P2RY12: variants seen among roughly 807,000 people sequenced by gnomAD.
The protein encoded by P2RY12 is purinergic receptor P2Y12.
P2RY12 carries 3 observed loss-of-function variants against 4.5 expected under a neutral mutation model. That is an observed-to-expected ratio of 0.67 (90% CI 0.31 to 1.74). The LOEUF is 1.74. Among genes scored for constraint, P2RY12 ranks in the 40% most tolerant of loss-of-function variants. The pLI, the probability that P2RY12 is intolerant of heterozygous loss-of-function variation, is 0.09. For synonymous variants in P2RY12, 148 were observed against 154.1 expected (o/e 0.96, Z 0.29); for missense variants, 356 against 407.8 (o/e 0.87, Z 1.09).
intron 1 of P2RY12, chr3:151,356,093 T>C: frequency 1.3e-6 from 2 of 1,561,698 alleles, no homozygotes; most frequent in Non-Finnish European, 1.7e-6. Context: ...CCACCAGGCA[T>C]TGTGCAATTT....
intron 1 of P2RY12, chr3:151,369,354 T>C: frequency 2.1e-6 from 2 of 947,184 alleles, no homozygotes; most frequent in Non-Finnish European, 3.2e-6. Context: ...AGTCTAACAA[T>C]GAAAGGCTGA....
intron 1 of P2RY12, among the ~76,000 whole-genome samples, chr3:151,371,113 G>T (rs772241504): frequency 2.2e-4 from 33 of 152,134 alleles, no homozygotes; most frequent in Non-Finnish European, 4.1e-4. Flanking sequence ...CTCCTAGTAT[G>T]GGGCTAGCAG....
chr3:151,349,852 CTTTT>C (rs112308445), intron 1 of P2RY12, among the ~76,000 whole-genome samples: 1 of 139,690 alleles, frequency 7.2e-6, no homozygotes. Flanking sequence ...TCAGTTGACA[CTTTT>C]TTTTTTTTTT....
intron 1 of P2RY12, among the ~76,000 whole-genome samples, chr3:151,363,634 C>T (rs923125067): frequency 1.1e-4 from 16 of 152,158 alleles, no homozygotes; most frequent in African/African-American, 3.6e-4. Flanking sequence ...TATAAGTTGT[C>T]TACACAGAAA....
At position 151,362,037 on chromosome 3, in the gene P2RY12, A is replaced by AT. The variant is rs1023432591; in HGVS notation, c.-179-21278dup. ...GGTAGGGAAAGGATGTTCAACTACC[A>AT]TTTTTTTTCCTTTGTCATACCTCGT... is the stretch of plus-strand genomic sequence containing the variant. On this transcript the variant is annotated intron_variant, in intron 1 of 2. Coordinates refer to ENST00000302632, the MANE Select transcript of P2RY12 (RefSeq NM_022788.5). Among the ~76,000 whole-genome samples, 7 of 151,542 alleles carry AT rather than the reference A, an allele frequency of 4.6e-5. No individual in the cohort carries two copies. In the East Asian group the frequency reaches 1.2e-3, roughly 25 times the overall value.
At chr3:151,371,404 A>T (rs1756168334) in intron 1 of P2RY12, among the ~76,000 whole-genome samples, 1 of 152,204 alleles carries the variant, frequency 6.6e-6, no homozygotes, top group Non-Finnish European at 1.5e-5. Flanking sequence ...TCCTGAAGTG[A>T]TCTATTAAAT....
intron 1 of P2RY12, among the ~76,000 whole-genome samples, chr3:151,350,792 T>C (rs1753132762): frequency 2.6e-5 from 4 of 152,244 alleles, no homozygotes; most frequent in Admixed American, 2.6e-4. Context: ...TTAGTTGAAA[T>C]GCTCTTTCCT....
At chr3:151,359,402 G>A (rs561063060) in intron 1 of P2RY12, among the ~76,000 whole-genome samples, 42 of 152,230 alleles carry the variant, frequency 2.8e-4, no homozygotes, top group Middle Eastern at 3.4e-3. Flanking sequence ...ATCTGTTGAT[G>A]TCATTTCACA....
chr3:151,373,963 A>T (rs1007404679), intron 1 of P2RY12, among the ~76,000 whole-genome samples: 1 of 152,152 alleles, frequency 6.6e-6, no homozygotes, highest in Non-Finnish European at 1.5e-5. Flanking sequence ...AGCTAGAAAG[A>T]AAAATATATC....
At chr3:151,371,910 T>C (rs1577477914) in intron 1 of P2RY12, among the ~76,000 whole-genome samples, 1 of 152,356 alleles carries the variant, frequency 6.6e-6, no homozygotes, top group East Asian at 1.9e-4. Flanking sequence ...GAAAACACTT[T>C]CCTTAGCTTC....
intron 1 of P2RY12, among the ~76,000 whole-genome samples, chr3:151,384,427 A>G (rs1238205666): frequency 6.6e-6 from 1 of 152,268 alleles, no homozygotes; most frequent in Non-Finnish European, 1.5e-5. Flanking sequence ...CAATTACATT[A>G]TAAAACATGT....
At chr3:151,366,865 GT>G (rs1195814549) in intron 1 of P2RY12, among the ~76,000 whole-genome samples, 3 of 151,808 alleles carry the variant, frequency 2.0e-5, no homozygotes, top group Non-Finnish European at 4.4e-5. Flanking sequence ...TCTCTTAGTT[GT>G]TTTTTTAAAT....
chr3:151,375,970 C>CATATATATATATATATATATAT lies in P2RY12; in HGVS notation c.-180+8721_-180+8722insATATATATATATATATATATAT, dbSNP rs148538586. On this transcript the variant is annotated intron_variant, in intron 1 of 2. Coordinates refer to ENST00000302632, the MANE Select transcript of P2RY12 (RefSeq NM_022788.5). ...TGCACTGTGGATTTAGTACATATTG[C>CATATATATATATATATATATAT]ATATATATATACCGAAAGCCAGTGC... The CATATATATATATATATATATAT allele has an allele frequency of 1.5e-3, 1,212 of 812,076 alleles. 3 individuals carry two copies. Among genetic ancestry groups the CATATATATATATATATATATAT allele is most frequent in the Admixed American group, 3.6e-3 (126 of 35,202 alleles). The allele number at this position is 812,076 out of a possible 1,614,324, so 50.3% of individuals were successfully genotyped here.
rs201555870 is a variant in P2RY12 at position 151,383,694 on chromosome 3, A to ACAAT, written c.-180+994_-180+997dup. On this transcript the variant is annotated intron_variant, in intron 1 of 2. Coordinates refer to ENST00000302632, the MANE Select transcript of P2RY12 (RefSeq NM_022788.5). Reference sequence around the variant, plus strand: ...CATCCCTTGTTTTTTTAAATAAAAAACAATCAAAATTTGATAACATAAAGC... The same window carrying ACAAT: ...CATCCCTTGTTTTTTTAAATAAAAAACAATCAATCAAAATTTGATAACATAAAGC... 719 of 819,576 alleles carry ACAAT rather than the reference A, an allele frequency of 8.8e-4. 5 individuals carry two copies. The East Asian group carries it at 0.017, about 20-fold the overall frequency. 50.8% of individuals were successfully genotyped at this position (819,576 alleles called of 1,614,324 possible). A position where few individuals can be genotyped will look rare whatever the true frequency, so the allele number is the denominator to read the frequency against.
At chr3:151,379,564 G>C (rs1194730746) in intron 1 of P2RY12, among the ~76,000 whole-genome samples, 19 of 152,210 alleles carry the variant, frequency 1.2e-4, no homozygotes, top group Admixed American at 1.2e-3. Flanking sequence ...GGGGTCGCCA[G>C]CAAGTACACT....
intron 1 of P2RY12, among the ~76,000 whole-genome samples, chr3:151,381,898 A>G (rs780571034): frequency 7.9e-5 from 12 of 151,946 alleles, no homozygotes; most frequent in Non-Finnish European, 1.3e-4. Context: ...TCTGCATGTG[A>G]CTCATTTGAA....
At position 151,337,655 on chromosome 3, in the gene P2RY12, A is replaced by G. The variant is rs943018779; in HGVS notation, c.*162T>C. The G allele has an allele frequency of 1.7e-5, 12 of 696,490 alleles. No individual in the cohort carries two copies. In the Admixed American group the frequency reaches 2.4e-4, roughly 14 times the overall value. 43.1% of individuals were successfully genotyped at this position (696,490 alleles called of 1,614,324 possible). A position where few individuals can be genotyped will look rare whatever the true frequency, so the allele number is the denominator to read the frequency against. ...TTTCTATATTTTAAGATAGCTTTTC[A>G]TACTGGAAAGGTAAATGAAAATTGC... On this transcript the variant is annotated 3_prime_UTR_variant, in exon 3 of 3. Coordinates refer to ENST00000302632, the MANE Select transcript of P2RY12 (RefSeq NM_022788.5).
At chr3:151,343,780 A>G (rs998843376) in intron 1 of P2RY12, among the ~76,000 whole-genome samples, 2 of 152,142 alleles carry the variant, frequency 1.3e-5, no homozygotes, top group South Asian at 2.1e-4. Context: ...TACCAAGTCT[A>G]CTAAAGGTAG....
rs1049021224 is a variant in P2RY12, at chr3:151,337,626, T to G, written c.*191A>C. ...CTGCTAATACAGCTACAGTTTAGAT[T>G]AGTTTTCTATATTTTAAGATAGCTT... On this transcript the variant is annotated 3_prime_UTR_variant, in exon 3 of 3. Coordinates refer to ENST00000302632, the MANE Select transcript of P2RY12 (RefSeq NM_022788.5). The G allele has an allele frequency of 9.7e-5, 59 of 606,472 alleles. No individual in the cohort carries two copies. The African/African-American group carries it at 1.0e-3, about 10-fold the overall frequency. 37.6% of individuals were successfully genotyped at this position (606,472 alleles called of 1,614,324 possible). A position where few individuals can be genotyped will look rare whatever the true frequency, so the allele number is the denominator to read the frequency against.
Sources: gnomAD v4.1 joint callset for allele counts (sites outside exome capture counted in the v4.1 genomes callset) on GRCh38, gnomAD v4.1.1 for gene constraint, MANE v1.5 for transcripts, NCBI Gene and HGNC (gene_info 2026-07-23, HGNC 2026-07-21) for gene names.